GABRG3: variants seen among roughly 807,000 people sequenced by gnomAD.
The protein encoded by GABRG3 is gamma-aminobutyric acid type A receptor subunit gamma3, also known as gamma-aminobutyric acid receptor subunit gamma-3.
Under a neutral mutation model 48.8 loss-of-function variants are expected in GABRG3, and 25 were observed. That is an observed-to-expected ratio of 0.51 (90% CI 0.37 to 0.72). The LOEUF is 0.72. GABRG3 is among the 30% of genes least tolerant of loss of function. The pLI is 0.00. For missense variants in GABRG3, 394 were observed against 577.9 expected (o/e 0.68, Z 3.26); for synonymous variants, 227 against 217.6 (o/e 1.04, Z -0.38).
intron 3 of GABRG3, among the ~76,000 whole-genome samples, chr15:27,068,971 T>G (rs1322655085): frequency 6.6e-6 from 1 of 152,214 alleles, no homozygotes; most frequent in African/African-American, 2.4e-5. Flanking sequence ...CAGGCATCAT[T>G]GCAGGAACTG....
chr15:27,339,277 C>A (rs1303381358), intron 5 of GABRG3, among the ~76,000 whole-genome samples: 1 of 152,232 alleles, frequency 6.6e-6, no homozygotes, highest in African/African-American at 2.4e-5. Context: ...CCTAAATGCT[C>A]AAGCATCTTC....
At chr15:27,223,795 C>G (rs573581818) in intron 3 of GABRG3, among the ~76,000 whole-genome samples, 1 of 152,316 alleles carries the variant, frequency 6.6e-6, no homozygotes, top group Admixed American at 6.5e-5. Context: ...GAGTGCTGCC[C>G]CTGACCCTCC....
intron 6 of GABRG3, among the ~76,000 whole-genome samples, chr15:27,517,116 A>G (rs1891038011): frequency 1.1e-5 from 1 of 88,930 alleles, no homozygotes; most frequent in Admixed American, 1.2e-4. Context: ...TGGGACTTTG[A>G]CTAGTGCCGC....
intron 2 of GABRG3, among the ~76,000 whole-genome samples, chr15:26,999,395 ATGG>A (rs1416958049): frequency 6.6e-6 from 1 of 152,120 alleles, no homozygotes; most frequent in South Asian, 2.1e-4. Context: ...ATACCAAAGG[ATGG>A]TTATACTTTA....
At chr15:27,529,348 C>G (rs1891359225) in intron 9 of GABRG3, among the ~76,000 whole-genome samples, 1 of 152,124 alleles carries the variant, frequency 6.6e-6, no homozygotes, top group African/African-American at 2.4e-5. Flanking sequence ...ATGATGTGAA[C>G]AACTTTTATC....
At chr15:27,265,470 C>T (rs990271419) in intron 3 of GABRG3, among the ~76,000 whole-genome samples, 2 of 152,176 alleles carry the variant, frequency 1.3e-5, no homozygotes, top group African/African-American at 4.8e-5. Flanking sequence ...AGCCTTATTT[C>T]TAACAGACAG....
intron 3 of GABRG3, among the ~76,000 whole-genome samples, chr15:27,259,038 A>T (rs929440001): frequency 6.6e-6 from 1 of 152,134 alleles, no homozygotes; most frequent in Non-Finnish European, 1.5e-5. Context: ...AACATAATGA[A>T]CTCCAGACTC....
chr15:27,355,510 T>G (rs530530155), intron 5 of GABRG3, among the ~76,000 whole-genome samples: 2 of 152,308 alleles, frequency 1.3e-5, no homozygotes, highest in East Asian at 3.9e-4. Context: ...GAGCAAGCAC[T>G]TTGCTGGTGG....
intron 3 of GABRG3, among the ~76,000 whole-genome samples, chr15:27,210,283 C>G (rs551885345): frequency 6.6e-6 from 1 of 152,278 alleles, no homozygotes; most frequent in East Asian, 1.9e-4. Flanking sequence ...GTATTTCAGA[C>G]CACATGCACA....
intron 5 of GABRG3, among the ~76,000 whole-genome samples, chr15:27,385,302 T>G (rs989556134): frequency 2.3e-5 from 1 of 43,456 alleles, no homozygotes; most frequent in Non-Finnish European, 4.7e-5. Flanking sequence ...AGACTACGTT[T>G]TTGTCTTTGT....
intron 3 of GABRG3, among the ~76,000 whole-genome samples, chr15:27,312,682 C>T (rs1276714500): frequency 6.6e-6 from 1 of 151,910 alleles, no homozygotes; most frequent in African/African-American, 2.4e-5. Flanking sequence ...CTGTGCCTGG[C>T]AAAACTGCCC....
intron 6 of GABRG3, among the ~76,000 whole-genome samples, chr15:27,519,174 G>C (rs1318027150): frequency 6.6e-6 from 1 of 152,142 alleles, no homozygotes; most frequent in Non-Finnish European, 1.5e-5. Flanking sequence ...GATTCAAATG[G>C]GGAGGATGAG....
At chr15:27,464,120 A>C (rs1031031124) in intron 5 of GABRG3, among the ~76,000 whole-genome samples, 2 of 152,148 alleles carry the variant, frequency 1.3e-5, no homozygotes, top group African/African-American at 4.8e-5. Flanking sequence ...CATAAAATGC[A>C]CCAATTTTAT....
At chr15:27,493,408 A>G (rs1890404697) in intron 6 of GABRG3, among the ~76,000 whole-genome samples, 1 of 152,184 alleles carries the variant, frequency 6.6e-6, no homozygotes, top group Non-Finnish European at 1.5e-5. Flanking sequence ...ATTCACACAG[A>G]GAGATTCATA....
chr15:27,441,521 G>A (rs1033215438), intron 5 of GABRG3, among the ~76,000 whole-genome samples: 2 of 152,160 alleles, frequency 1.3e-5, no homozygotes, highest in Non-Finnish European at 2.9e-5. Flanking sequence ...AGTCCCAAGA[G>A]GAGCATGATG....
intron 3 of GABRG3, among the ~76,000 whole-genome samples, chr15:27,294,205 C>CCTTTT (rs891179528): frequency 1.3e-5 from 2 of 151,218 alleles, no homozygotes; most frequent in African/African-American, 4.9e-5. Context: ...TATCCTGCTA[C>CCTTTT]CTTTTCTTTT....
intron 5 of GABRG3, among the ~76,000 whole-genome samples, chr15:27,419,370 C>T (rs1470078189): frequency 6.6e-6 from 1 of 151,992 alleles, no homozygotes; most frequent in Non-Finnish European, 1.5e-5. Flanking sequence ...ATGTTCTGTC[C>T]CCTGTTCCTT....
intron 3 of GABRG3, among the ~76,000 whole-genome samples, chr15:27,137,874 A>AAAGTAG (rs1595545695): frequency 1.3e-5 from 2 of 152,164 alleles, no homozygotes; most frequent in South Asian, 2.1e-4. Flanking sequence ...TAAGGTAAGT[A>AAAGTAG]AAGGTTTTCC....
intron 3 of GABRG3, among the ~76,000 whole-genome samples, chr15:27,043,859 G>A (rs1452207566): frequency 6.6e-6 from 1 of 152,200 alleles, no homozygotes; most frequent in Non-Finnish European, 1.5e-5. Flanking sequence ...GCAGTGCTGG[G>A]CCTGCAGTCC....
Sources: allele counts gnomAD v4.1 joint callset (sites outside exome capture counted in the v4.1 genomes callset), GRCh38; gene constraint gnomAD v4.1.1; transcripts MANE v1.5; gene names NCBI Gene and HGNC (gene_info 2026-07-23, HGNC 2026-07-21).